The following PBRM1 variants were observed in gnomAD, a reference collection of about 807,000 sequenced individuals.
PBRM1 encodes the protein protein polybromo-1.
In PBRM1, 27 loss-of-function variants were observed where a neutral mutation model predicts 194.5. The ratio of observed to expected loss-of-function variants is 0.14; its 90% CI spans 0.10 to 0.19. PBRM1 has a LOEUF of 0.19. Ranked by LOEUF, PBRM1 falls within the 10% of genes least tolerant of loss-of-function variation. The pLI is 1.00. For synonymous variants in PBRM1, 655 were observed against 693.2 expected (o/e 0.94, Z 0.87); for missense variants, 1,466 against 2,077.2 (o/e 0.71, Z 5.72).
intron 16 of PBRM1, among the ~76,000 whole-genome samples, chr3:52,604,905 G>GA (rs2094242018): frequency 6.6e-6 from 1 of 151,848 alleles, no homozygotes; most frequent in African/African-American, 2.4e-5. Context: ...AGTGAGCCAA[G>GA]ATCGCGCCGC....
rs566481465 is a variant in PBRM1 at position 52,612,258 on chromosome 3, C to CAAAAAAA, written c.1925-2310_1925-2304dup. 8.7e-4 allele frequency among the ~76,000 whole-genome samples: 21 copies of CAAAAAAA among 24,010 alleles called. 2 individuals are homozygous for CAAAAAAA. Among genetic ancestry groups the CAAAAAAA allele is most frequent in the African/African-American group, 2.5e-3 (16 of 6,336 alleles). 15.8% of individuals were successfully genotyped at this position (24,010 alleles called of 152,430 possible). On this transcript the variant is annotated intron_variant, in intron 15 of 29. Transcript: ENST00000296302. ...TAGGCAACAGAGCGAGATTCCGTCT[C>CAAAAAAA]AAAAAAAAAAAAAAAAAAAAAAAAG...
chr3:52,641,826 T>C, intron 10 of PBRM1, 128 bp downstream of exon 11: 1 of 750,328 alleles, frequency 1.3e-6, no homozygotes. Context: ...CAGAGTACAA[T>C]CAAATGCAAT....
intron 22 of PBRM1, among the ~76,000 whole-genome samples, chr3:52,567,565 C>CAAAAAAAAAAAAAAAAAAAAAAAAAA (rs10644120): frequency 2.2e-5 from 2 of 91,692 alleles, no homozygotes; most frequent in Admixed American, 1.1e-4. Flanking sequence ...TAGGTAATCT[C>CAAAAAAAAAAAAAAAAAAAAAAAAAA]AAAAAAAAAA....
At chr3:52,563,106 T>A (rs1413502181) in intron 24 of PBRM1, among the ~76,000 whole-genome samples, 177 bp downstream of exon 26, 9 of 152,184 alleles carry the variant, frequency 5.9e-5, no homozygotes, top group Non-Finnish European at 8.8e-5. Flanking sequence ...GACATATAAT[T>A]TTTGTCAATC....
At chr3:52,577,267 C>T (rs2153667514) in intron 21 of PBRM1, among the ~76,000 whole-genome samples, 1 of 152,008 alleles carries the variant, frequency 6.6e-6, no homozygotes, top group South Asian at 2.1e-4. Context: ...CCCATCTCCA[C>T]TAAAAATACA....
exon 18 of PBRM1, chr3:52,589,202 G>A (rs1402934247): frequency 3.8e-6 from 6 of 1,589,264 alleles, no homozygotes; most frequent in Non-Finnish European, 5.1e-6. Context: ...CTGTATGTGC[G>A]ATGTAAGCCT....
chr3:52,685,831 G>A, exon 1 of PBRM1: 1 of 461,224 alleles, frequency 2.2e-6, no homozygotes, highest in South Asian at 2.6e-5. Flanking sequence ...TGCTGCTATT[G>A]CTCCTCCGGC....
At chr3:52,548,638 C>A (rs2080067514) in intron 29 of PBRM1, among the ~76,000 whole-genome samples, 1 of 152,126 alleles carries the variant, frequency 6.6e-6, no homozygotes, top group Non-Finnish European at 1.5e-5. Context: ...GTTGGCCAGG[C>A]TGGTCTTGAA....
chr3:52,586,705 G>A lies in PBRM1; in HGVS notation c.3124-17C>T, dbSNP rs762133031. ...AAAGTATTCCTGGGGGGTGGGGAGG[G>A]CATAAGAATAAAACTAGTTAGGTGA... On this transcript the variant is annotated splice_polypyrimidine_tract_variant and intron_variant, in intron 19 of 29. Transcript: ENST00000296302. 45 of 1,102,626 alleles carry A rather than the reference G, an allele frequency of 4.1e-5. No individual in the cohort carries two copies. The Admixed American group carries it at 9.5e-4, about 23-fold the overall frequency. 68.3% of individuals were successfully genotyped at this position (1,102,626 alleles called of 1,614,324 possible).
intron 20 of PBRM1, among the ~76,000 whole-genome samples, chr3:52,584,155 C>G (rs555808002): frequency 1.3e-5 from 2 of 152,050 alleles, no homozygotes; most frequent in Non-Finnish European, 2.9e-5. Flanking sequence ...CAAAAACAAT[C>G]TATGCAAGTC....
At chr3:52,618,613 AGATG>A (rs1404661304) in intron 13 of PBRM1, among the ~76,000 whole-genome samples, 1 of 103,384 alleles carries the variant, frequency 9.7e-6, no homozygotes, top group African/African-American at 3.5e-5. Context: ...TTTTTTTTTG[AGATG>A]GAGTTCCGCT....
chr3:52,633,589 CTG>C (rs2095694071), intron 11 of PBRM1, among the ~76,000 whole-genome samples: 1 of 152,152 alleles, frequency 6.6e-6, no homozygotes, highest in Non-Finnish European at 1.5e-5. Context: ...AACTGCCACA[CTG>C]TTTTCCACAG....
At chr3:52,657,784 T>C (rs2096635810) in intron 5 of PBRM1, among the ~76,000 whole-genome samples, 1 of 149,880 alleles carries the variant, frequency 6.7e-6, no homozygotes, top group Non-Finnish European at 1.5e-5. Context: ...ATCTTCCTTT[T>C]CTTTTTTTTT....
At chr3:52,603,328 C>CTT (rs1360505301) in intron 17 of PBRM1, among the ~76,000 whole-genome samples, 193 bp downstream of exon 19, 1 of 152,220 alleles carries the variant, frequency 6.6e-6, no homozygotes, top group African/African-American at 2.4e-5. Context: ...TCACAGGTAA[C>CTT]TTTTAATCTT....
At chr3:52,606,222 T>A (rs967323902) in intron 16 of PBRM1, among the ~76,000 whole-genome samples, 1 of 151,902 alleles carries the variant, frequency 6.6e-6, no homozygotes, top group Non-Finnish European at 1.5e-5. Flanking sequence ...TTGTCCAGAC[T>A]GGTCTCAAGC....
intron 15 of PBRM1, among the ~76,000 whole-genome samples, chr3:52,610,573 T>G (rs1463870389): frequency 6.6e-6 from 1 of 152,160 alleles, no homozygotes; most frequent in Non-Finnish European, 1.5e-5. Context: ...TGATTCCCAG[T>G]CTGGTATATC....
At chr3:52,664,046 C>T (rs1042993653) in intron 3 of PBRM1, among the ~76,000 whole-genome samples, 4 of 148,060 alleles carry the variant, frequency 2.7e-5, no homozygotes, top group African/African-American at 1.0e-4. Context: ...GGTGACAAAG[C>T]CAGACTCCGT....
At chr3:52,617,364 C>A (rs1217543982) in exon 14 of PBRM1, 10 of 1,613,636 alleles carry the variant, frequency 6.2e-6, no homozygotes, top group Non-Finnish European at 8.5e-6. Context: ...GGATGTTATG[C>A]TCAATTATTT....
intron 25 of PBRM1, among the ~76,000 whole-genome samples, chr3:52,561,503 C>A (rs2083521048): frequency 6.6e-6 from 1 of 152,154 alleles, no homozygotes; most frequent in Admixed American, 6.5e-5. Context: ...AGAAAAAAAT[C>A]ATGCAATTTT....
Sources: allele counts gnomAD v4.1 joint callset (sites outside exome capture counted in the v4.1 genomes callset), GRCh38; gene constraint gnomAD v4.1.1; transcripts MANE v1.5; gene names NCBI Gene and HGNC (gene_info 2026-07-23, HGNC 2026-07-21).